Variants in GPC5 observed in about 807,000 individuals in gnomAD.
The protein encoded by GPC5 is glypican-5.
A neutral mutation model predicts 53.9 loss-of-function variants in GPC5; 47 were observed. That is an observed-to-expected ratio of 0.87 (90% CI 0.69 to 1.11). GPC5 has a LOEUF of 1.11. GPC5 is among the 50% of genes most tolerant of loss of function. The pLI is 0.00. For synonymous variants in GPC5, 286 were observed against 263.3 expected (o/e 1.09, Z -0.84); for missense variants, 748 against 713.1 (o/e 1.05, Z -0.56).
At chr13:92,768,511 T>C (rs949339813) in intron 7 of GPC5, among the ~76,000 whole-genome samples, 4 of 152,178 alleles carry the variant, frequency 2.6e-5, no homozygotes, top group Admixed American at 2.6e-4. Flanking sequence ...TTTCTACATA[T>C]AATGTTAATT....
At chr13:91,698,588 T>C (rs1356630286) in intron 3 of GPC5, among the ~76,000 whole-genome samples, 1 of 152,204 alleles carries the variant, frequency 6.6e-6, no homozygotes, top group Non-Finnish European at 1.5e-5. Flanking sequence ...TATGGATGTA[T>C]GTGAGATTTT....
chr13:92,475,243 G>A (rs540478252), intron 7 of GPC5, among the ~76,000 whole-genome samples: 3 of 148,766 alleles, frequency 2.0e-5, no homozygotes, highest in Non-Finnish European at 3.0e-5. Flanking sequence ...GTGAAGAAAG[G>A]CATTGGTAGC....
Position 91,665,801 on chromosome 13 carries a change from G to A in GPC5, c.326-27386G>A, listed in dbSNP as rs542017411. Among the ~76,000 whole-genome samples, 6 of 152,240 alleles carry A rather than the reference G, an allele frequency of 3.9e-5. No homozygotes were observed. In the East Asian group the frequency reaches 1.2e-3, roughly 29 times the overall value. ...ATTACAGGCATGAGCCAAGGCGCCT[G>A]GCCAAAGACAGTCATTTGAGTTCAG... On this transcript the variant is annotated intron_variant, in intron 2 of 7. Coordinates refer to ENST00000377067, the MANE Select transcript of GPC5 (RefSeq NM_004466.6).
chr13:91,404,874 C>T (rs547145203), intron 1 of GPC5, among the ~76,000 whole-genome samples: 1 of 152,186 alleles, frequency 6.6e-6, no homozygotes, highest in South Asian at 2.1e-4. Flanking sequence ...GCTCATCAGC[C>T]CCCTGCTAAG....
At chr13:91,409,616 T>C (rs574525544) in intron 1 of GPC5, among the ~76,000 whole-genome samples, 4 of 152,380 alleles carry the variant, frequency 2.6e-5, no homozygotes, top group Admixed American at 2.6e-4. Context: ...TGTCACCTTA[T>C]TTGTTGCGTA....
chr13:92,481,890 A>G (rs1879370120), intron 7 of GPC5, among the ~76,000 whole-genome samples: 1 of 152,106 alleles, frequency 6.6e-6, no homozygotes. Flanking sequence ...GCACTTTGGG[A>G]CGCAGAGGTG....
intron 7 of GPC5, among the ~76,000 whole-genome samples, chr13:92,438,188 A>G (rs1247725982): frequency 1.3e-5 from 2 of 151,876 alleles, no homozygotes; most frequent in Non-Finnish European, 2.9e-5. Context: ...CTTTTCATAC[A>G]ATAAAATACG....
intron 7 of GPC5, among the ~76,000 whole-genome samples, chr13:92,824,058 G>A (rs1459534026): frequency 1.3e-5 from 2 of 152,048 alleles, no homozygotes; most frequent in Non-Finnish European, 2.9e-5. Flanking sequence ...AGAGCTGGCT[G>A]GAGATGACCT....
chr13:91,583,945 C>A (rs1000804184), intron 2 of GPC5, among the ~76,000 whole-genome samples: 9 of 152,194 alleles, frequency 5.9e-5, no homozygotes, highest in East Asian at 5.8e-4. Context: ...TGTATGTAAT[C>A]CCTGCTACCT....
chr13:92,533,116 A>C (rs938513936), intron 7 of GPC5, among the ~76,000 whole-genome samples: 1 of 152,188 alleles, frequency 6.6e-6, no homozygotes, highest in African/African-American at 2.4e-5. Context: ...TATTATAGGA[A>C]TTTATTTCAA....
At chr13:92,374,763 T>A (rs1037665602) in intron 7 of GPC5, among the ~76,000 whole-genome samples, 5 of 145,700 alleles carry the variant, frequency 3.4e-5, no homozygotes, top group East Asian at 2.0e-4. Flanking sequence ...AGATGACGAG[T>A]TAGTGGGTGC....
intron 5 of GPC5, among the ~76,000 whole-genome samples, chr13:91,851,769 C>T (rs574308483): frequency 3.0e-4 from 42 of 140,754 alleles, no homozygotes; most frequent in African/African-American, 7.4e-4. Context: ...TTTGTTCTTG[C>T]GATAGTTTAC....
At chr13:91,899,941 A>G (rs2039480727) in intron 5 of GPC5, among the ~76,000 whole-genome samples, 1 of 152,144 alleles carries the variant, frequency 6.6e-6, no homozygotes, top group Non-Finnish European at 1.5e-5. Context: ...ATTAGGTATG[A>G]TGGCCCTAGG....
intron 2 of GPC5, among the ~76,000 whole-genome samples, chr13:91,498,071 G>T (rs1884377889): frequency 7.2e-6 from 1 of 138,930 alleles, no homozygotes; most frequent in African/African-American, 2.6e-5. Flanking sequence ...TGGCCTCTAA[G>T]CCTTTTTTAA....
chr13:91,760,039 ATACT>A (rs1232527802), intron 5 of GPC5, among the ~76,000 whole-genome samples: 1 of 152,132 alleles, frequency 6.6e-6, no homozygotes, highest in Non-Finnish European at 1.5e-5. Context: ...TGTATTGTAC[ATACT>A]TATTTTAAAT....
chr13:91,793,390 G>T (rs943406771), intron 5 of GPC5, among the ~76,000 whole-genome samples: 1 of 152,110 alleles, frequency 6.6e-6, no homozygotes, highest in African/African-American at 2.4e-5. Flanking sequence ...TGAGATTTGG[G>T]TGGGGGCACA....
intron 6 of GPC5, among the ~76,000 whole-genome samples, chr13:92,020,536 T>A (rs781113541): frequency 5.3e-5 from 8 of 152,118 alleles, no homozygotes; most frequent in Non-Finnish European, 1.2e-4. Context: ...TATCTCATTG[T>A]GGTTTTTGGT....
intron 7 of GPC5, among the ~76,000 whole-genome samples, chr13:92,789,711 G>T (rs1319975042): frequency 1.3e-5 from 2 of 152,046 alleles, no homozygotes; most frequent in Non-Finnish European, 2.9e-5. Flanking sequence ...AGAAAGAAAA[G>T]CCAGAAAATG....
At chr13:91,653,512 ATAACT>A (rs1454657481) in intron 2 of GPC5, among the ~76,000 whole-genome samples, 9 of 152,176 alleles carry the variant, frequency 5.9e-5, no homozygotes, top group Non-Finnish European at 7.4e-5. Flanking sequence ...ACATTTTAAA[ATAACT>A]TAGAATGTAA....
Sources: gnomAD v4.1 joint callset for allele counts (sites outside exome capture counted in the v4.1 genomes callset) on GRCh38, gnomAD v4.1.1 for gene constraint, MANE v1.5 for transcripts, NCBI Gene and HGNC (gene_info 2026-07-23, HGNC 2026-07-21) for gene names.